Variants in FAM171A1 observed in about 807,000 individuals in gnomAD.
FAM171A1 encodes the protein protein FAM171A1.
A neutral mutation model predicts 74.9 loss-of-function variants in FAM171A1; 23 were observed. The observed-to-expected ratio is 0.31, with a 90% confidence interval of 0.22 to 0.44. The LOEUF (loss-of-function observed/expected upper bound fraction) is 0.44. Ranked by LOEUF, FAM171A1 falls within the 20% of genes least tolerant of loss-of-function variation. The pLI is 1.00. For synonymous variants in FAM171A1, 527 were observed against 505.7 expected (o/e 1.04, Z -0.57); for missense variants, 1,162 against 1,159.2 (o/e 1.00, Z -0.03).
intron 1 of FAM171A1, among the ~76,000 whole-genome samples, chr10:15,368,517 C>A (rs1423513514): frequency 6.6e-6 from 1 of 152,194 alleles, no homozygotes; most frequent in Non-Finnish European, 1.5e-5. Context: ...ACAGATTCTA[C>A]ATAAAAGCAA....
intron 1 of FAM171A1, among the ~76,000 whole-genome samples, chr10:15,297,598 A>C (rs1835176454): frequency 6.6e-6 from 1 of 152,344 alleles, no homozygotes; most frequent in South Asian, 2.1e-4. Context: ...GAATGGTGAA[A>C]TATACAATAA....
In FAM171A1 at chr10:15,214,482, C is replaced by G; in HGVS notation, c.1106G>C (p.Arg369Pro). ...CAGCGGGCCAGGGAATTCTGACGCT[C>G]GGCGTGAAAACAGCAAGTTAATGTG... ...MSHINLLFSR[R>P]ASEFPGPLSV... is the part of the protein sequence containing the mutation. Residue 369 changes from arginine to proline, a missense_variant, in exon 8 of 8, where the codon CGA (arginine) becomes CCA (proline). By Grantham distance (103) the Arg-to-Pro change is moderately radical. Coordinates refer to ENST00000378116, the MANE Select transcript of FAM171A1 (RefSeq NM_001010924.2). The G allele has an allele frequency of 6.2e-7, 1 of 1,614,144 alleles. No homozygotes were observed. Among genetic ancestry groups the G allele is most frequent in the Middle Eastern group, 1.6e-4 (1 of 6,062 alleles).
intron 6 of FAM171A1, among the ~76,000 whole-genome samples, chr10:15,220,692 G>A (rs1834026298): frequency 6.6e-6 from 1 of 152,048 alleles, no homozygotes. Context: ...CCCTATGGCA[G>A]CTGTCTGAAC....
intron 1 of FAM171A1, among the ~76,000 whole-genome samples, chr10:15,342,554 C>T (rs754318048): frequency 5.3e-5 from 8 of 152,020 alleles, no homozygotes; most frequent in Non-Finnish European, 7.4e-5. Context: ...GGCGACAGAG[C>T]GAGCCTCTGT....
At chr10:15,340,098 G>C (rs1835748831) in intron 1 of FAM171A1, among the ~76,000 whole-genome samples, 1 of 152,144 alleles carries the variant, frequency 6.6e-6, no homozygotes, top group Admixed American at 6.5e-5. Flanking sequence ...CGGGGGCACA[G>C]CCAAACCACA....
At chr10:15,370,863 C>G (rs1836134881) in intron 1 of FAM171A1, 93 bp downstream of exon 1, 1 of 519,006 alleles carries the variant, frequency 1.9e-6, no homozygotes, top group Non-Finnish European at 2.5e-6. Flanking sequence ...CACCACGCGG[C>G]CCGGGACCCT....
In FAM171A1 at chr10:15,329,367, C is replaced by T. The variant is rs978476040; in HGVS notation, c.97+41589G>A. On this transcript the variant is annotated intron_variant, in intron 1 of 7. Transcript: ENST00000378116. ...ATTCAATTCAGAATGAGCTGGGCCA[C>T]GCCAGGCTTGGTGGCGCACAATTGT... Among the ~76,000 whole-genome samples the T allele has an allele frequency of 7.2e-5, 11 of 152,274 alleles. No individual in the cohort carries two copies. The South Asian group carries it at 1.0e-3, about 14-fold the overall frequency.
intron 1 of FAM171A1, among the ~76,000 whole-genome samples, chr10:15,361,526 T>A (rs1278707306): frequency 6.6e-6 from 1 of 151,912 alleles, no homozygotes; most frequent in African/African-American, 2.4e-5. Context: ...CTACAAAAAA[T>A]ACAAAAACTA....
chr10:15,215,353 C>A (rs778189179), intron 7 of FAM171A1, among the ~76,000 whole-genome samples: 2 of 152,036 alleles, frequency 1.3e-5, no homozygotes, highest in African/African-American at 2.4e-5. Flanking sequence ...TAAACAGACA[C>A]GGCATCTAAA....
intron 5 of FAM171A1, among the ~76,000 whole-genome samples, chr10:15,247,458 T>A (rs1280465359): frequency 6.6e-6 from 1 of 151,854 alleles, no homozygotes; most frequent in African/African-American, 2.4e-5. Context: ...CATGATCTCA[T>A]TTCTGCTAAA....
At position 15,283,922 on chromosome 10, in the gene FAM171A1, G is replaced by C. The variant is rs1232244650; in HGVS notation, c.281C>G (p.Ala94Gly). 6 of 1,614,032 alleles carry C rather than the reference G, an allele frequency of 3.7e-6. No homozygotes were observed. In the Admixed American group the frequency reaches 1.0e-4, roughly 27 times the overall value. The part of the protein sequence containing the change: ...SQLIVTASKH[A>G]YVPNSAPWKP... ...CCATGGGGCAGAGTTTGGCACGTAGGCATGCTTCGAGGCGGTGACAATCAA... is the reference window on the plus strand; with the variant it reads ...CCATGGGGCAGAGTTTGGCACGTAGCCATGCTTCGAGGCGGTGACAATCAA... Residue 94 changes from alanine (A) to glycine (G), a missense_variant, in exon 2 of 8, where the codon GCC (alanine) becomes GGC (glycine). Coordinates refer to ENST00000378116, the MANE Select transcript of FAM171A1 (RefSeq NM_001010924.2).
At chr10:15,229,675 CCAT>C (rs1212005036) in intron 5 of FAM171A1, among the ~76,000 whole-genome samples, 1 of 140,712 alleles carries the variant, frequency 7.1e-6, no homozygotes, top group Non-Finnish European at 1.6e-5. Flanking sequence ...ACCCCCATCA[CCAT>C]CATCACCATC....
intron 2 of FAM171A1, among the ~76,000 whole-genome samples, chr10:15,280,144 C>T (rs1437510402): frequency 6.6e-6 from 1 of 152,042 alleles, no homozygotes; most frequent in Non-Finnish European, 1.5e-5. Context: ...CAAACACAGA[C>T]AGGGTAGAAA....
At chr10:15,288,964 A>G (rs747945550) in intron 1 of FAM171A1, among the ~76,000 whole-genome samples, 6 of 151,936 alleles carry the variant, frequency 3.9e-5, no homozygotes, top group Non-Finnish European at 5.9e-5. Flanking sequence ...CTGAGATTAC[A>G]GGCTTGCGCC....
chr10:15,243,604 A>G (rs1231163180), intron 5 of FAM171A1, among the ~76,000 whole-genome samples: 1 of 152,152 alleles, frequency 6.6e-6, no homozygotes. Flanking sequence ...TTATTCCTCC[A>G]TATTCAAATA....
At chr10:15,327,089 C>T (rs971808590) in intron 1 of FAM171A1, among the ~76,000 whole-genome samples, 3 of 152,084 alleles carry the variant, frequency 2.0e-5, no homozygotes, top group African/African-American at 7.2e-5. Context: ...TCAAGCATTC[C>T]CTTAAAAAAA....
At chr10:15,218,243 C>A (rs1833992350) in intron 6 of FAM171A1, among the ~76,000 whole-genome samples, 1 of 151,930 alleles carries the variant, frequency 6.6e-6, no homozygotes. Context: ...CTGTGCCTGG[C>A]AAATTTTTTG....
At chr10:15,247,917 A>G (rs1400285833) in intron 5 of FAM171A1, among the ~76,000 whole-genome samples, 1 of 152,228 alleles carries the variant, frequency 6.6e-6, no homozygotes. Flanking sequence ...GTCTGCCTTC[A>G]GCCCTGTGAG....
intron 1 of FAM171A1, among the ~76,000 whole-genome samples, chr10:15,327,760 G>A (rs1564280117): frequency 1.3e-5 from 2 of 151,946 alleles, no homozygotes; most frequent in Admixed American, 6.6e-5. Context: ...ACAGACACAT[G>A]GGCCTACTTG....
Sources: allele counts gnomAD v4.1 joint callset (sites outside exome capture counted in the v4.1 genomes callset), GRCh38; gene constraint gnomAD v4.1.1; transcripts MANE v1.5; gene names NCBI Gene and HGNC (gene_info 2026-07-23, HGNC 2026-07-21).